STRC: variants seen among roughly 807,000 people sequenced by gnomAD.
The protein encoded by STRC is stereocilin.
STRC carries 43 observed loss-of-function variants against 103.5 expected under a neutral mutation model. The ratio of observed to expected loss-of-function variants is 0.42; its 90% CI spans 0.33 to 0.54. The LOEUF is 0.54. Among genes scored for constraint, STRC ranks in the 20% least tolerant of loss-of-function variants. The pLI is 0.14. For synonymous variants in STRC, 186 were observed against 442.3 expected (o/e 0.42, Z 7.27); for missense variants, 499 against 1,088.5 (o/e 0.46, Z 7.62).
intron 21 of STRC, 51 bp downstream of exon 21, chr15:43,604,310 T>C: frequency 1.3e-6 from 2 of 1,584,908 alleles, no homozygotes; most frequent in East Asian, 2.3e-5. Flanking sequence ...CATAACCAGC[T>C]CACCAGTCCC....
chr15:43,608,724 G>GAA (rs144553505), intron 16 of STRC, among the ~76,000 whole-genome samples: 13 of 71,732 alleles, frequency 1.8e-4, no homozygotes, highest in Non-Finnish European at 2.6e-4. Flanking sequence ...AGACTGTCTC[G>GAA]AAAAAAAAAA....
chr15:43,602,721 TGC>T, intron 23 of STRC: 1 of 162,456 alleles, frequency 6.2e-6, no homozygotes, highest in Non-Finnish European at 1.3e-5. Context: ...TTCGGCTCAC[TGC>T]AAGCTCCCCC....
At position 43,600,514 on chromosome 15, in the gene STRC, G is replaced by C. The variant is rs1344870969; in HGVS notation, c.4993+20C>G. On this transcript the variant is annotated intron_variant, in intron 26 of 28. Transcript: ENST00000450892. ...ATAGAAACCAAACCAACTTGCACCA[G>C]CAGTGGCCCAGCTCCCCACCTGCTA... The C allele has an allele frequency of 1.2e-6, 2 of 1,611,108 alleles. No individual in the cohort carries two copies. The highest frequency in any genetic ancestry group is 2.7e-5 in the African/African-American group (2 of 74,580).
intron 23 of STRC, among the ~76,000 whole-genome samples, chr15:43,602,929 GC>G: frequency 6.6e-6 from 1 of 151,654 alleles, no homozygotes; most frequent in East Asian, 1.9e-4. Context: ...ATAGGCGTGA[GC>G]CGCTGCACCC....
At position 43,609,260 on chromosome 15, in the gene STRC, A is replaced by G. The variant is rs1330385696; in HGVS notation, c.3557+16T>C. ...GTTGGTCGAATTCAGCGCACTGCTC[A>G]ACACAAGTTACTCACTGCAGATTCC... On this transcript the variant is annotated intron_variant, in intron 16 of 28. Coordinates refer to ENST00000450892, the MANE Select transcript of STRC (RefSeq NM_153700.2). 5 of 1,609,980 alleles carry G rather than the reference A, an allele frequency of 3.1e-6. No individual in the cohort carries two copies. In the South Asian group the frequency reaches 3.3e-5, roughly 11 times the overall value.
rs2085653383 is a variant in STRC, at chr15:43,600,108, C to T, written c.5092-1G>A. On this transcript the variant is annotated splice_acceptor_variant, in intron 27 of 28. Coordinates refer to ENST00000450892, the MANE Select transcript of STRC (RefSeq NM_153700.2). LOFTEE classifies it high-confidence loss of function. Reference sequence around the variant, plus strand: ...ATAGTTGGATGGGACTAAACACCACCTGAGGGCAGGGGTAGGAATCAGTGC... The same window carrying T: ...ATAGTTGGATGGGACTAAACACCACTTGAGGGCAGGGGTAGGAATCAGTGC... The T allele has an allele frequency of 6.2e-7, 1 of 1,612,736 alleles. No individual in the cohort carries two copies. Among genetic ancestry groups the T allele is most frequent in the Non-Finnish European group, 8.5e-7 (1 of 1,179,504 alleles).
rs147470294 is a variant in STRC at position 43,610,945 on chromosome 15, C to G, written c.3346G>C (p.Gly1116Arg). ...GVKNMGTTGA[G>R]PAVCIPGQPI... is the part of the protein sequence containing the mutation. ...TGACCAGGGATACACACAGCTGGAC[C>G]AGCACCTGTTGTACCCATATTTTTA... The change falls in exon 14 of 29, where the codon GGT (glycine) becomes CGT (arginine). Residue 1116 changes from glycine (G) to arginine (R), a missense_variant. Gly to Arg is a moderately radical substitution (Grantham distance 125). Transcript: ENST00000450892. 1.9e-6 allele frequency: 3 copies of G among 1,611,696 alleles called. No individual in the cohort carries two copies. The highest frequency in any genetic ancestry group is 2.5e-6 in the Non-Finnish European group (3 of 1,178,364).
In STRC at chr15:43,601,380, G is replaced by A; in HGVS notation, c.4701+16C>T. 2 of 1,612,702 alleles carry A rather than the reference G, an allele frequency of 1.2e-6. No homozygotes were observed. The highest frequency in any genetic ancestry group is 8.5e-7 in the Non-Finnish European group (1 of 1,179,790). On this transcript the variant is annotated intron_variant, in intron 24 of 28. Coordinates refer to ENST00000450892, the MANE Select transcript of STRC (RefSeq NM_153700.2). ...ATGGGTGTTTGGGAAGCCGTAGGGAGGAGGAAAAGTGTTACCTGAGTGGTG... is the reference window on the plus strand; with the variant it reads ...ATGGGTGTTTGGGAAGCCGTAGGGAAGAGGAAAAGTGTTACCTGAGTGGTG...
chr15:43,601,590 T>C (rs2085669511), intron 23 of STRC, 39 bp from the exon 24 acceptor site: 3 of 1,608,860 alleles, frequency 1.9e-6, no homozygotes, highest in Non-Finnish European at 2.6e-6. Flanking sequence ...GGAAAAGCAG[T>C]GGATTGGGAG....
chr15:43,603,680 C>A, intron 22 of STRC: 1 of 629,564 alleles, frequency 1.6e-6, no homozygotes, highest in Non-Finnish European at 2.7e-6. Flanking sequence ...AGTTCTCCAG[C>A]CTCACAATGT....
intron 23 of STRC, 55 bp downstream of exon 23, chr15:43,603,187 A>G: frequency 6.3e-7 from 1 of 1,585,258 alleles, no homozygotes; most frequent in Non-Finnish European, 8.7e-7. Context: ...TGTGTCCTAC[A>G]TCACACCCAA....
At chr15:43,604,259 T>A in intron 21 of STRC, 102 bp downstream of exon 21, 1 of 1,594,530 alleles carries the variant, frequency 6.3e-7, no homozygotes, top group Non-Finnish European at 8.6e-7. Flanking sequence ...TCCCCCCAGA[T>A]CTAGGCTTCA....
intron 18 of STRC, among the ~76,000 whole-genome samples, chr15:43,606,479 A>C (rs923840645): frequency 3.3e-5 from 5 of 150,686 alleles, no homozygotes; most frequent in Admixed American, 3.3e-4. Context: ...ACGCGCCTGT[A>C]ATCCCAGCTA....
In STRC at chr15:43,601,290, C is replaced by G. The variant is rs1341172495; in HGVS notation, c.4701+106G>C. The G allele has an allele frequency of 2.6e-6, 4 of 1,518,914 alleles. No individual in the cohort carries two copies. In the African/African-American group the frequency reaches 4.1e-5, roughly 16 times the overall value. The allele number at this position is 1,518,914 out of a possible 1,614,324, so 94.1% of individuals were successfully genotyped here. ...TATCAACAAAAGATAGAAAGAAGGA[C>G]CAGGTAGGGTCACAGGAAAAAAATT... On this transcript the variant is annotated intron_variant, in intron 24 of 28. Transcript: ENST00000450892.
At chr15:43,606,459 G>A (rs985532363) in intron 18 of STRC, among the ~76,000 whole-genome samples, 8 of 149,298 alleles carry the variant, frequency 5.4e-5, no homozygotes, top group African/African-American at 2.0e-4. Flanking sequence ...AATTAGCCGG[G>A]TGTGGTGGCA....
At position 43,604,242 on chromosome 15, in the gene STRC, T is replaced by C. The variant is rs192265557; in HGVS notation, c.4219-90A>G. 891 of 1,596,942 alleles carry C rather than the reference T, an allele frequency of 5.6e-4. 7 individuals are homozygous for C. In the African/African-American group the frequency reaches 0.01, roughly 18 times the overall value. ...TAAGTCCAAAGTCCTGTCTCTGTTT[T>C]GCAGTCTCCCCCCAGATCTAGGCTT... is the stretch of plus-strand genomic sequence containing the variant. On this transcript the variant is annotated intron_variant, in intron 21 of 28. Coordinates refer to ENST00000450892, the MANE Select transcript of STRC (RefSeq NM_153700.2).
In STRC at chr15:43,604,134, T is replaced by A. The variant is rs754834213; in HGVS notation, c.4237A>T (p.Thr1413Ser). 153 of 1,610,112 alleles carry A rather than the reference T, an allele frequency of 9.5e-5. No individual in the cohort carries two copies. Among genetic ancestry groups the A allele is most frequent in the Non-Finnish European group, 1.3e-4 (148 of 1,178,476 alleles). Reference protein sequence around the residue: ...LIPREALGPETLERLLEKQQS... With the variant: ...LIPREALGPESLERLLEKQQS... ...TGCTTTTCTAGAAGCCGCTCCAGGG[T>A]CTCTGGACCCAAGGCCTCCTGCATG... Residue 1413 changes from threonine (T) to serine (S), a missense_variant, in exon 22 of 29, where the codon ACC becomes TCC. Coordinates refer to ENST00000450892, the MANE Select transcript of STRC (RefSeq NM_153700.2).
intron 23 of STRC, among the ~76,000 whole-genome samples, chr15:43,602,244 G>C (rs550778090): frequency 1.3e-5 from 2 of 151,482 alleles, no homozygotes; most frequent in Non-Finnish European, 2.9e-5. Flanking sequence ...GCAGTGGTGC[G>C]ATCTTGGCAC....
chr15:43,600,821 T>C lies in STRC; in HGVS notation c.4844+51A>G, dbSNP rs2447207. 56 of 1,613,426 alleles carry C rather than the reference T, an allele frequency of 3.5e-5. 3 individuals carry two copies. The highest frequency in any genetic ancestry group is 3.3e-4 in the Admixed American group (20 of 59,966). ...ACCTTCATGATCCTTCTTTCCCCAG[T>C]AAGTCCACCTTTACCTCAGCACCAC... On this transcript the variant is annotated intron_variant, in intron 25 of 28. Transcript: ENST00000450892.
Sources: gnomAD v4.1 joint callset for allele counts (sites outside exome capture counted in the v4.1 genomes callset) on GRCh38, gnomAD v4.1.1 for gene constraint, MANE v1.5 for transcripts, NCBI Gene and HGNC (gene_info 2026-07-23, HGNC 2026-07-21) for gene names.